The following EGFLAM variants were observed in gnomAD, a reference collection of about 807,000 sequenced individuals.
The protein encoded by EGFLAM is EGF like, fibronectin type III and laminin G domains.
In EGFLAM, 79 loss-of-function variants were observed where a neutral mutation model predicts 113.1. The ratio of observed to expected loss-of-function variants is 0.70; its 90% CI spans 0.58 to 0.84. EGFLAM has a LOEUF of 0.84. EGFLAM is among the 40% of genes least tolerant of loss of function. The probability of loss-of-function intolerance (pLI) is 0.00; values close to 1 mark genes in which losing one functional copy is unlikely to be tolerated. For missense variants in EGFLAM, 1,265 were observed against 1,291.6 expected (o/e 0.98, Z 0.32); for synonymous variants, 504 against 487.6 (o/e 1.03, Z -0.44).
intron 3 of EGFLAM, 48 bp downstream of exon 3, chr5:38,338,829 T>C: frequency 6.6e-7 from 1 of 1,508,602 alleles, no homozygotes; most frequent in Non-Finnish European, 9.2e-7. Flanking sequence ...GTGGGCACTA[T>C]TCGGGCGGAT....
At chr5:38,462,771 T>A in intron 20 of EGFLAM, 137 bp from the exon 21 acceptor site, 1 of 982,466 alleles carries the variant, frequency 1.0e-6, no homozygotes, top group Middle Eastern at 3.1e-4. Flanking sequence ...TTGCTTTGAT[T>A]TCTGCAGCCC....
At chr5:38,355,159 A>G (rs910630506) in intron 5 of EGFLAM, among the ~76,000 whole-genome samples, 3 of 152,220 alleles carry the variant, frequency 2.0e-5, no homozygotes, top group African/African-American at 7.2e-5. Flanking sequence ...AGGGTGTGTT[A>G]GTGAAGTCAC....
At chr5:38,462,162 G>T (rs956774228) in intron 20 of EGFLAM, among the ~76,000 whole-genome samples, 2 of 152,078 alleles carry the variant, frequency 1.3e-5, no homozygotes, top group Non-Finnish European at 2.9e-5. Flanking sequence ...GCGGGACTCC[G>T]TCTCAAAAAA....
At chr5:38,429,282 A>G (rs1479040639) in intron 14 of EGFLAM, among the ~76,000 whole-genome samples, 1 of 152,258 alleles carries the variant, frequency 6.6e-6, no homozygotes, top group East Asian at 1.9e-4. Context: ...TTATGGAGAT[A>G]GACCACTTAA....
In EGFLAM at chr5:38,327,087, C is replaced by T. The variant is rs189738744; in HGVS notation, c.98-10433C>T. Among the ~76,000 whole-genome samples the T allele has an allele frequency of 9.9e-4, 150 of 152,274 alleles. 1 individual carries two copies. Among genetic ancestry groups the T allele is most frequent in the Non-Finnish European group, 1.0e-3 (70 of 68,024 alleles). On this transcript the variant is annotated intron_variant, in intron 1 of 21. Transcript: ENST00000322350. ...TGTTGGGATTACAGGTGTGAGCCAC[C>T]GCACCTGGCCAATAAGGGTATTTTA...
At chr5:38,274,970 A>G (rs923780905) in intron 1 of EGFLAM, among the ~76,000 whole-genome samples, 13 of 146,388 alleles carry the variant, frequency 8.9e-5, no homozygotes, top group Admixed American at 8.2e-4. Context: ...AGTGAAGTTA[A>G]AGTGTAGAGA....
intron 6 of EGFLAM, among the ~76,000 whole-genome samples, chr5:38,384,601 A>G (rs976960547): frequency 6.6e-6 from 1 of 152,140 alleles, no homozygotes; most frequent in Admixed American, 6.5e-5. Context: ...GTCCTGCTGC[A>G]TGTCCCAGCC....
Position 38,258,560 on chromosome 5 carries a change from C to T in EGFLAM, c.-195C>T. 2 of 619,574 alleles carry T rather than the reference C, an allele frequency of 3.2e-6. No homozygotes were observed. The highest frequency in any genetic ancestry group is 6.1e-5 in the East Asian group (2 of 32,926). 38.4% of individuals were successfully genotyped at this position (619,574 alleles called of 1,614,324 possible). ...GCCCTGCAGCTTGCAGCCGGCTTCA[C>T]TCGCGCACGCCGACCTCCCGGCTGC... On this transcript the variant is annotated 5_prime_UTR_variant, in exon 1 of 22. Transcript: ENST00000322350.
At chr5:38,306,129 T>A (rs1758711567) in intron 1 of EGFLAM, among the ~76,000 whole-genome samples, 1 of 152,262 alleles carries the variant, frequency 6.6e-6, no homozygotes, top group Admixed American at 6.5e-5. Context: ...GGCTAATTCA[T>A]CATGGTGTCA....
At chr5:38,412,124 CA>C (rs1741500339) in intron 10 of EGFLAM, among the ~76,000 whole-genome samples, 1 of 152,152 alleles carries the variant, frequency 6.6e-6, no homozygotes, top group Non-Finnish European at 1.5e-5. Flanking sequence ...ATTTTAAATA[CA>C]GGGGGTACAT....
chr5:38,388,342 A>C (rs1168823493), intron 6 of EGFLAM, among the ~76,000 whole-genome samples: 1 of 152,142 alleles, frequency 6.6e-6, no homozygotes, highest in African/African-American at 2.4e-5. Flanking sequence ...AAACCAGGCC[A>C]GGTGTGGTGG....
At chr5:38,385,277 C>CCCCCCT (rs1561060291) in intron 6 of EGFLAM, among the ~76,000 whole-genome samples, 1 of 46,322 alleles carries the variant, frequency 2.2e-5, no homozygotes, top group Non-Finnish European at 3.8e-5. Context: ...GTTTCCCACC[C>CCCCCCT]ACCCCCCCCC....
intron 1 of EGFLAM, among the ~76,000 whole-genome samples, chr5:38,321,404 C>T (rs1738736524): frequency 6.6e-6 from 1 of 152,160 alleles, no homozygotes; most frequent in African/African-American, 2.4e-5. Flanking sequence ...CTGTGTGTTG[C>T]CCGGTTCCTA....
intron 6 of EGFLAM, among the ~76,000 whole-genome samples, chr5:38,375,853 G>GA (rs1158499779): frequency 1.3e-4 from 20 of 150,820 alleles, no homozygotes; most frequent in Non-Finnish European, 2.8e-4. Context: ...AGAACAGGAA[G>GA]AAAAAAAAAT....
chr5:38,278,452 C>T (rs552123453), intron 1 of EGFLAM, among the ~76,000 whole-genome samples: 8 of 151,522 alleles, frequency 5.3e-5, no homozygotes, highest in African/African-American at 1.9e-4. Context: ...CAGAAGAAAA[C>T]ATAGGCAAAG....
intron 11 of EGFLAM, 54 bp downstream of exon 11, chr5:38,412,702 C>T: frequency 1.3e-6 from 2 of 1,590,228 alleles, no homozygotes; most frequent in South Asian, 1.1e-5. Flanking sequence ...CCATAAGTCT[C>T]CTGAGAAGGG....
chr5:38,444,055 A>G (rs1430178524), intron 17 of EGFLAM, among the ~76,000 whole-genome samples: 1 of 151,916 alleles, frequency 6.6e-6, no homozygotes, highest in Non-Finnish European at 1.5e-5. Context: ...ACAGGTGTGA[A>G]CCACCACACC....
At chr5:38,295,539 C>T (rs1758433907) in intron 1 of EGFLAM, among the ~76,000 whole-genome samples, 1 of 152,130 alleles carries the variant, frequency 6.6e-6, no homozygotes, top group Admixed American at 6.5e-5. Flanking sequence ...CTCATTATTT[C>T]ATTATTTTAC....
intron 7 of EGFLAM, 98 bp downstream of exon 7, chr5:38,406,339 TA>T: frequency 9.8e-7 from 1 of 1,022,628 alleles, no homozygotes; most frequent in Non-Finnish European, 1.5e-6. Context: ...ACTTAAAACT[TA>T]AATGTGCCCA....
Sources: gnomAD v4.1 joint callset for allele counts (sites outside exome capture counted in the v4.1 genomes callset) on GRCh38, gnomAD v4.1.1 for gene constraint, MANE v1.5 for transcripts, NCBI Gene and HGNC (gene_info 2026-07-23, HGNC 2026-07-21) for gene names.